The following ANKFN1 variants were observed in gnomAD, a reference collection of about 807,000 sequenced individuals.
ANKFN1 encodes the protein ankyrin repeat and fibronectin type III domain containing 1, also known as ankyrin repeat and fibronectin type-III domain-containing protein 1.
Under a neutral mutation model 108.7 loss-of-function variants are expected in ANKFN1, and 74 were observed. The ratio of observed to expected loss-of-function variants is 0.68; its 90% CI spans 0.56 to 0.83. The LOEUF is 0.83. ANKFN1 is among the 40% of genes least tolerant of loss of function. The pLI is 0.00. For missense variants in ANKFN1, 1,505 were observed against 1,382.3 expected, an observed-to-expected ratio of 1.09 and a Z score of -1.41; for synonymous variants, 547 against 516.2, an observed-to-expected ratio of 1.06 and a Z score of -0.81.
chr17:56,250,743 C>A (rs930877483), intron 3 of ANKFN1, among the ~76,000 whole-genome samples: 3 of 152,218 alleles, frequency 2.0e-5, no homozygotes, highest in Non-Finnish European at 1.5e-5. Context: ...TATGTATGAC[C>A]ATTTTTTAAA....
chr17:56,332,425 A>T (rs1280335710), intron 4 of ANKFN1, among the ~76,000 whole-genome samples: 5 of 152,054 alleles, frequency 3.3e-5, no homozygotes, highest in Non-Finnish European at 7.4e-5. Context: ...TAGCTTTTAC[A>T]TTTAGGTCTA....
At chr17:56,495,973 C>G (rs920200541) in intron 19 of ANKFN1, among the ~76,000 whole-genome samples, 1 of 151,982 alleles carries the variant, frequency 6.6e-6, no homozygotes, top group African/African-American at 2.4e-5. Context: ...ATCAACAGAC[C>G]TAGGGAATTC....
chr17:56,188,591 A>ATG (rs1912533806), intron 1 of ANKFN1, among the ~76,000 whole-genome samples: 1 of 116,222 alleles, frequency 8.6e-6, no homozygotes, highest in Non-Finnish European at 1.6e-5. Context: ...GTATATATAT[A>ATG]TATATATATA....
chr17:56,112,727 G>A (rs1282500106), intron 4 of ANKFN1, among the ~76,000 whole-genome samples: 1 of 152,268 alleles, frequency 6.6e-6, no homozygotes, highest in East Asian at 1.9e-4. Context: ...ATGTCGTGGA[G>A]AACTATGCCA....
intron 15 of ANKFN1, among the ~76,000 whole-genome samples, chr17:56,469,570 G>A (rs2145309912): frequency 6.6e-6 from 1 of 152,130 alleles, no homozygotes; most frequent in East Asian, 1.9e-4. Context: ...AAATCAGGAT[G>A]ACTGGGTGTG....
At chr17:56,104,544 T>G (rs1393992828) in intron 4 of ANKFN1, among the ~76,000 whole-genome samples, 1 of 152,184 alleles carries the variant, frequency 6.6e-6, no homozygotes, top group African/African-American at 2.4e-5. Context: ...TAGAGAAGCA[T>G]AGTCCCCTGT....
intron 18 of ANKFN1, among the ~76,000 whole-genome samples, chr17:56,486,160 C>A (rs943584575): frequency 6.6e-6 from 1 of 152,190 alleles, no homozygotes; most frequent in Non-Finnish European, 1.5e-5. Flanking sequence ...CAAAGCCTGA[C>A]TTTAAGATGG....
chr17:56,440,304 C>G, intron 8 of ANKFN1, 23 bp from the exon 9 acceptor site: 1 of 1,497,424 alleles, frequency 6.7e-7, no homozygotes, highest in East Asian at 2.3e-5. Context: ...TTCTCTCTCT[C>G]CCTGCCCCCC....
intron 3 of ANKFN1, among the ~76,000 whole-genome samples, chr17:56,281,710 A>T (rs2044088888): frequency 1.3e-5 from 2 of 152,210 alleles, no homozygotes; most frequent in Non-Finnish European, 2.9e-5. Context: ...TTCACAGAAG[A>T]TATAAAAATA....
In ANKFN1 at chr17:56,086,730, C is replaced by T. The variant is rs77491149; in HGVS notation, c.288+40405C>T. On this transcript the variant is annotated intron_variant, in intron 4 of 12. Transcript: ENST00000635860. ...GTTATCTGAGAAATGTGCACATTGT[C>T]CTACAGAAACTTACTAAAAAGTCAC... 3.3e-5 allele frequency among the ~76,000 whole-genome samples: 5 copies of T among 151,386 alleles called. No homozygotes were observed. In the East Asian group the frequency reaches 9.7e-4, roughly 29 times the overall value.
At chr17:56,220,076 G>A (rs999012350) in intron 2 of ANKFN1, among the ~76,000 whole-genome samples, 6 of 152,230 alleles carry the variant, frequency 3.9e-5, no homozygotes, top group Admixed American at 2.6e-4. Context: ...TTCCGAAGGT[G>A]ATGTGAGAAT....
intron 4 of ANKFN1, among the ~76,000 whole-genome samples, chr17:56,140,257 T>C (rs1259828383): frequency 6.6e-6 from 1 of 152,198 alleles, no homozygotes; most frequent in Non-Finnish European, 1.5e-5. Context: ...AGTCACCAAT[T>C]TGTGTCAATT....
chr17:56,305,324 CAAACCATA>C (rs2044789952), intron 3 of ANKFN1, among the ~76,000 whole-genome samples: 1 of 152,180 alleles, frequency 6.6e-6, no homozygotes, highest in Admixed American at 6.5e-5. Context: ...GAGGCACAGC[CAAACCATA>C]TCGTATGGCT....
At chr17:56,121,151 T>TG (rs1161369858) in intron 4 of ANKFN1, among the ~76,000 whole-genome samples, 3 of 152,058 alleles carry the variant, frequency 2.0e-5, no homozygotes, top group Non-Finnish European at 2.9e-5. Flanking sequence ...CCCTTTCATC[T>TG]TTTTAATGTC....
rs544838396 is a variant in ANKFN1, at chr17:56,167,668, A to G, written c.-71+14138A>G. On this transcript the variant is annotated intron_variant, in intron 1 of 20. Coordinates refer to ENST00000682825, the MANE Select transcript of ANKFN1 (RefSeq NM_001370326.1). The stretch of plus-strand genomic sequence containing the variant: ...TGGTTTAGCATGACAAAAGTTTCCC[A>G]CTCGTACTACATATCCATTGCAGGC... Among the ~76,000 whole-genome samples the G allele has an allele frequency of 3.9e-5, 6 of 152,102 alleles. No homozygotes were observed. In the East Asian group the frequency reaches 7.7e-4, roughly 20 times the overall value.
intron 4 of ANKFN1, among the ~76,000 whole-genome samples, chr17:56,121,943 C>T (rs746640345): frequency 6.6e-6 from 1 of 152,048 alleles, no homozygotes; most frequent in Non-Finnish European, 1.5e-5. Context: ...TTTAGGGTAG[C>T]AGGGGTTGCT....
chr17:56,326,125 C>T, intron 3 of ANKFN1, 96 bp from the exon 4 acceptor site: 3 of 1,468,688 alleles, frequency 2.0e-6, no homozygotes, highest in Non-Finnish European at 2.7e-6. Context: ...CCCTATGCAT[C>T]ATTTCCTCTT....
chr17:56,108,588 G>A (rs1184609887), intron 4 of ANKFN1, among the ~76,000 whole-genome samples: 1 of 152,190 alleles, frequency 6.6e-6, no homozygotes, highest in Non-Finnish European at 1.5e-5. Context: ...AAGTCACGGA[G>A]AGGTTAAGTA....
intron 3 of ANKFN1, among the ~76,000 whole-genome samples, chr17:56,272,344 A>G (rs1361540552): frequency 6.6e-6 from 1 of 152,006 alleles, no homozygotes; most frequent in Non-Finnish European, 1.5e-5. Flanking sequence ...CCACAATTCT[A>G]TTTTCTATCT....
Sources: allele counts gnomAD v4.1 joint callset (sites outside exome capture counted in the v4.1 genomes callset), GRCh38; gene constraint gnomAD v4.1.1; transcripts MANE v1.5; gene names NCBI Gene and HGNC (gene_info 2026-07-23, HGNC 2026-07-21).